Variants in PHF3 observed in about 807,000 individuals in gnomAD.
PHF3 encodes the protein PHD finger protein 3.
A neutral mutation model predicts 178.4 loss-of-function variants in PHF3; 41 were observed. The ratio of observed to expected loss-of-function variants is 0.23; its 90% CI spans 0.18 to 0.30. The LOEUF (loss-of-function observed/expected upper bound fraction) is 0.30, where lower values mean the gene tolerates loss of function less well. PHF3 is among the 10% of genes least tolerant of loss of function. PHF3 has a pLI of 1.00. For synonymous variants in PHF3, 842 were observed against 800.5 expected (o/e 1.05, Z -0.88); for missense variants, 2,346 against 2,398.1 (o/e 0.98, Z 0.45).
At position 63,725,516 on chromosome 6, in the gene PHF3, T is replaced by C. The variant is rs970956070; in HGVS notation, c.*11808T>C. On this transcript the variant is annotated 3_prime_UTR_variant, in exon 16 of 16. Coordinates refer to ENST00000262043, the MANE Select transcript of PHF3 (RefSeq NM_001370348.2). Reference sequence around the variant, plus strand: ...TCTTGATTTATAAATAGAAAATTTATGTTTGTATGTGGTTCTCCTATTTGA... The same window carrying C: ...TCTTGATTTATAAATAGAAAATTTACGTTTGTATGTGGTTCTCCTATTTGA... Among the ~76,000 whole-genome samples the C allele has an allele frequency of 6.6e-6, 1 of 152,132 alleles. No homozygotes were observed. Among genetic ancestry groups the C allele is most frequent in the Non-Finnish European group, 1.5e-5 (1 of 67,982 alleles).
rs76149431 is a variant in PHF3, at chr6:63,648,782, A to G, written c.244+1987A>G. Among the ~76,000 whole-genome samples the G allele has an allele frequency of 5.6e-3, 851 of 152,240 alleles. 6 individuals are homozygous for G. The highest frequency in any genetic ancestry group is 0.019 in the African/African-American group (791 of 41,562). Reference sequence around the variant, plus strand: ...ATATTAAAATTTGGTTACTAGAATTATTTATCTTTGATTCTGTAGCAGAAT... The same window carrying G: ...ATATTAAAATTTGGTTACTAGAATTGTTTATCTTTGATTCTGTAGCAGAAT... On this transcript the variant is annotated intron_variant, in intron 2 of 15. Coordinates refer to ENST00000262043, the MANE Select transcript of PHF3 (RefSeq NM_001370348.2).
At chr6:63,643,048 A>G (rs1764642924) in intron 1 of PHF3, among the ~76,000 whole-genome samples, 1 of 152,148 alleles carries the variant, frequency 6.6e-6, no homozygotes, top group Non-Finnish European at 1.5e-5. Flanking sequence ...TTATCAGAAC[A>G]GAGATTATTA....
rs1023386302 is a variant in PHF3, at chr6:63,635,835, C to T, written c.-341C>T. On this transcript the variant is annotated 5_prime_UTR_variant, in exon 1 of 16. Coordinates refer to ENST00000262043, the MANE Select transcript of PHF3 (RefSeq NM_001370348.2). ...CACGTGACACGGCCCCTCTCCAGCT[C>T]CCGCGCCGCCGCCGCACGCCGATGG... 1 of 396,042 alleles carries T rather than the reference C, an allele frequency of 2.5e-6. No individual in the cohort carries two copies. The highest frequency in any genetic ancestry group is 4.4e-5 in the Admixed American group (1 of 22,654). 24.5% of individuals were successfully genotyped at this position (396,042 alleles called of 1,614,324 possible). A position where few individuals can be genotyped will look rare whatever the true frequency, so the allele number is the denominator to read the frequency against.
intron 2 of PHF3, among the ~76,000 whole-genome samples, chr6:63,674,771 T>G (rs1354427541): frequency 6.6e-6 from 1 of 152,200 alleles, no homozygotes; most frequent in Non-Finnish European, 1.5e-5. Context: ...AGTCTGGTAC[T>G]TACTGCCAAC....
chr6:63,665,635 G>A (rs546111936), intron 2 of PHF3, among the ~76,000 whole-genome samples: 2 of 151,882 alleles, frequency 1.3e-5, no homozygotes, highest in Non-Finnish European at 2.9e-5. Context: ...ACAGGTGCCT[G>A]CCACCACACC....
chr6:63,682,458 C>G (rs367677725), intron 3 of PHF3, among the ~76,000 whole-genome samples: 1 of 152,128 alleles, frequency 6.6e-6, no homozygotes, highest in African/African-American at 2.4e-5. Context: ...GGTTTTTCCT[C>G]TCTCGTTCTT....
At chr6:63,686,021 C>A in intron 4 of PHF3, 110 bp downstream of exon 4, 1 of 707,468 alleles carries the variant, frequency 1.4e-6, no homozygotes, top group East Asian at 2.7e-5. Flanking sequence ...TACACAGAGA[C>A]CTGTGCAAAA....
chr6:63,714,461 G>A lies in PHF3; in HGVS notation c.*753G>A, dbSNP rs1356016589. ...TAAAATAATTTCTCACCTATTTTGTGTGTGTGACTTGAAATTCAGTAGTAA... is the reference window on the plus strand; with the variant it reads ...TAAAATAATTTCTCACCTATTTTGTATGTGTGACTTGAAATTCAGTAGTAA... On this transcript the variant is annotated 3_prime_UTR_variant, in exon 16 of 16. Coordinates refer to ENST00000262043, the MANE Select transcript of PHF3 (RefSeq NM_001370348.2). 4 of 152,480 alleles carry A rather than the reference G, an allele frequency of 2.6e-5. No individual in the cohort carries two copies. The highest frequency in any genetic ancestry group is 9.7e-5 in the African/African-American group (4 of 41,404). 9.4% of individuals were successfully genotyped at this position (152,480 alleles called of 1,614,324 possible).
At chr6:63,692,677 CTTAGAG>C (rs1160220393) in intron 5 of PHF3, among the ~76,000 whole-genome samples, 1 of 152,140 alleles carries the variant, frequency 6.6e-6, no homozygotes, top group African/African-American at 2.4e-5. Flanking sequence ...GAACATGAAT[CTTAGAG>C]TTGGAGCTTT....
intron 1 of PHF3, among the ~76,000 whole-genome samples, chr6:63,637,467 T>G (rs116429785): frequency 6.6e-6 from 1 of 152,254 alleles, no homozygotes; most frequent in Admixed American, 6.5e-5. Flanking sequence ...AGCATACTTA[T>G]GTTTTTGAAT....
intron 2 of PHF3, among the ~76,000 whole-genome samples, chr6:63,647,027 T>A (rs1014946662): frequency 2.0e-5 from 3 of 151,650 alleles, no homozygotes; most frequent in Non-Finnish European, 4.4e-5. Flanking sequence ...ATATTATGGA[T>A]ATAGGTAGGG....
chr6:63,644,358 ATTATTT>A (rs531858385), intron 1 of PHF3, among the ~76,000 whole-genome samples: 49 of 152,302 alleles, frequency 3.2e-4, no homozygotes, highest in Middle Eastern at 6.8e-3. Context: ...ATTTTCATAA[ATTATTT>A]TTAATTACCA....
intron 6 of PHF3, among the ~76,000 whole-genome samples, chr6:63,697,992 T>C (rs1351279707): frequency 6.6e-6 from 1 of 152,134 alleles, no homozygotes; most frequent in East Asian, 1.9e-4. Flanking sequence ...TGTGGAAAAA[T>C]AACTAGCTCT....
chr6:63,682,848 T>G (rs1766498013), intron 3 of PHF3, among the ~76,000 whole-genome samples: 1 of 152,094 alleles, frequency 6.6e-6, no homozygotes. Context: ...CGCTTGGGTG[T>G]TAAAAGATCT....
intron 2 of PHF3, among the ~76,000 whole-genome samples, chr6:63,664,301 A>G (rs1429997511): frequency 6.6e-6 from 1 of 152,206 alleles, no homozygotes; most frequent in Non-Finnish European, 1.5e-5. Flanking sequence ...GAACTTGGGA[A>G]TCAGATAAAG....
Position 63,685,833 on chromosome 6 carries a change from A to T in PHF3, c.2111A>T (p.His704Leu), listed in dbSNP as rs1048860038. 9 of 1,613,632 alleles carry T rather than the reference A, an allele frequency of 5.6e-6. No individual in the cohort carries two copies. The highest frequency in any genetic ancestry group is 1.3e-5 in the African/African-American group (1 of 74,934). The change falls in exon 4 of 16, where the codon CAT becomes CTT. Residue 704 changes from histidine to leucine, a missense_variant. Around this residue, in one of 8 missense-constraint regions of PHF3, gnomAD observed 72 missense variants for 110.5 expected, o/e 0.65. Transcript: ENST00000262043. ...ACCATAAGAAGAGAAGGCTCTGATC[A>T]TAGCTCCTCATTTGAAAGCAAATAT... The part of the protein sequence containing the change: ...IATIRREGSD[H>L]SSSFESKYMW...
At position 63,694,739 on chromosome 6, in the gene PHF3, C is replaced by G; in HGVS notation, c.2655C>G (p.Cys885Trp). The G allele has an allele frequency of 6.5e-7, 1 of 1,528,456 alleles. No homozygotes were observed. Among genetic ancestry groups the G allele is most frequent in the Non-Finnish European group, 8.8e-7 (1 of 1,138,836 alleles). 94.7% of individuals were successfully genotyped at this position (1,528,456 alleles called of 1,614,324 possible). A position where few individuals can be genotyped will look rare whatever the true frequency, so the allele number is the denominator to read the frequency against. ...KIPKESTTVT[C>W]TGEKASKPGT... ...CGAAAGAGTCTACAACTGTTACTTGCACAGGAGAAAAAGCTTCAAAACCAG... is the reference window on the plus strand; with the variant it reads ...CGAAAGAGTCTACAACTGTTACTTGGACAGGAGAAAAAGCTTCAAAACCAG... The change falls in exon 6 of 16, where the codon TGC (cysteine) becomes TGG (tryptophan). Residue 885 changes from cysteine (C) to tryptophan (W), a missense_variant. Transcript: ENST00000262043.
At position 63,697,785 on chromosome 6, in the gene PHF3, C is replaced by T. The variant is rs543102566; in HGVS notation, c.2681-438C>T. Among the ~76,000 whole-genome samples, 14 of 152,154 alleles carry T rather than the reference C, an allele frequency of 9.2e-5. No homozygotes were observed. The East Asian group carries it at 2.3e-3, about 25-fold the overall frequency. On this transcript the variant is annotated intron_variant, in intron 6 of 15. Transcript: ENST00000262043. The stretch of plus-strand genomic sequence containing the variant: ...AATGTGCTGGTATAATAAGTCAGAG[C>T]AGTGGGATGTTTGACATTGAGATTT...
At position 63,720,261 on chromosome 6, in the gene PHF3, A is replaced by T; in HGVS notation, c.*6553A>T. 1 of 340,822 alleles carries T rather than the reference A, an allele frequency of 2.9e-6. No individual in the cohort carries two copies. The highest frequency in any genetic ancestry group is 4.2e-5 in the East Asian group (1 of 24,022). The allele number at this position is 340,822 out of a possible 1,614,324, so 21.1% of individuals were successfully genotyped here. On this transcript the variant is annotated 3_prime_UTR_variant, in exon 16 of 16. Coordinates refer to ENST00000262043, the MANE Select transcript of PHF3 (RefSeq NM_001370348.2). ...ATTTTAAAGTTCAGCTTACACATTG[A>T]TTTTTAAAATTGTGTTTACACGTTG...
Sources: gnomAD v4.1 joint callset for allele counts (sites outside exome capture counted in the v4.1 genomes callset) on GRCh38, gnomAD v4.1.1 for gene constraint, gnomAD v4.1.1 regional missense constraint, MANE v1.5 for transcripts, NCBI Gene and HGNC (gene_info 2026-07-23, HGNC 2026-07-21) for gene names.